ALAS2: variants seen among roughly 807,000 people sequenced by gnomAD.
The protein encoded by ALAS2 is 5'-aminolevulinate synthase 2.
In ALAS2, 3 loss-of-function variants were observed where a neutral mutation model predicts 33.7. The ratio of observed to expected loss-of-function variants is 0.09; its 90% CI spans 0.04 to 0.23. The LOEUF (loss-of-function observed/expected upper bound fraction) is 0.23, where lower values mean the gene tolerates loss of function less well. Ranked by LOEUF, ALAS2 falls within the 10% of genes least tolerant of loss-of-function variation. ALAS2 has a pLI of 1.00. For missense variants in ALAS2, 304 were observed against 475.1 expected, an observed-to-expected ratio of 0.64 and a Z score of 3.35; for synonymous variants, 191 against 177.3, an observed-to-expected ratio of 1.08 and a Z score of -0.61.
At chrX:55,030,571 C>G (rs1182058850) in intron 1 of ALAS2, among the ~76,000 whole-genome samples, 1 of 110,165 alleles carries the variant, frequency 9.1e-6, no homozygotes, top group Non-Finnish European at 1.9e-5. Flanking sequence ...GACAGAAACA[C>G]AGAGACGGAG....
intron 4 of ALAS2, among the ~76,000 whole-genome samples, chrX:55,022,450 A>G (rs1024670587): frequency 2.7e-5 from 3 of 111,990 alleles, no homozygotes; most frequent in Non-Finnish European, 3.8e-5. Flanking sequence ...ATGTAGAAAA[A>G]GATTCTTAAT....
At chrX:55,025,611 C>T (rs1265247045) in intron 2 of ALAS2, among the ~76,000 whole-genome samples, 2 of 111,952 alleles carry the variant, frequency 1.8e-5, no homozygotes, top group African/African-American at 3.2e-5. Flanking sequence ...GGATTACAGG[C>T]GTGAGCCACT....
At chrX:55,020,030 A>T (rs1247993094) in intron 6 of ALAS2, among the ~76,000 whole-genome samples, 1 of 111,622 alleles carries the variant, frequency 9.0e-6, no homozygotes, top group East Asian at 2.8e-4. Context: ...GACATAAAAT[A>T]ACTATGTATG....
rs148352194 is a variant in ALAS2 at position 55,014,982 on chromosome X, G to A, written c.1202C>T (p.Ala401Val). The change falls in exon 9 of 11, where the codon GCC becomes GTC. Residue 401 changes from alanine to valine, a missense_variant. This residue lies in a region of ALAS2 where 138 missense variants were observed against 265.3 expected (regional missense o/e 0.52). Coordinates refer to ENST00000650242, the MANE Select transcript of ALAS2 (RefSeq NM_000032.5). ...KAFGCVGGYI[A>V]STRDLVDMVR... ...CATGTCCACCAAGTCACGGGTGCTG[G>A]CAATGTAGCCGCCCACACAGCCAAA... 8.3e-7 allele frequency: 1 copy of A among 1,210,712 alleles called. No individual in the cohort carries two copies. The highest frequency in any genetic ancestry group is 1.1e-6 in the Non-Finnish European group (1 of 894,915).
At chrX:55,012,115 C>A (rs1033884903) in intron 10 of ALAS2, among the ~76,000 whole-genome samples, 3 of 111,900 alleles carry the variant, frequency 2.7e-5, no homozygotes, top group Non-Finnish European at 5.6e-5. Flanking sequence ...TGGCGCCTAC[C>A]TAGCTTGTCT....
At position 55,017,501 on chromosome X, in the gene ALAS2, C is replaced by T. The variant is rs1365531087; in HGVS notation, c.988G>A (p.Val330Ile). The change falls in exon 7 of 11, where the codon GTC (valine) becomes ATC (isoleucine). Residue 330 changes from valine (V) to isoleucine (I), a missense_variant. Physicochemically the swap from Val to Ile is conservative, Grantham distance 29. Coordinates refer to ENST00000650242, the MANE Select transcript of ALAS2 (RefSeq NM_000032.5). Reference sequence around the variant, plus strand: ...ATATACATACCATCCATGGAGTGGACAGTCTCAAAGGCCACAATTTTGGGT... The same window carrying T: ...ATATACATACCATCCATGGAGTGGATAGTCTCAAAGGCCACAATTTTGGGT... ...KIPKIVAFET[V>I]HSMDGAICPL... The T allele has an allele frequency of 8.3e-7, 1 of 1,208,073 alleles. No individual in the cohort carries two copies. The highest frequency in any genetic ancestry group is 1.1e-6 in the Non-Finnish European group (1 of 893,832).
rs368764287 is a variant in ALAS2, at chrX:55,015,639, G to T, written c.1107C>A (p.Gly369=). The change falls in exon 8 of 11, where the codon GGC becomes GGA. Residue 369 remains glycine, a synonymous_variant. Coordinates refer to ENST00000650242, the MANE Select transcript of ALAS2 (RefSeq NM_000032.5). The part of the protein sequence containing the change: ...VHAVGLYGSR[G]AGIGERDGIM... ...TTCCATCACGCTCCCCAATCCCAGC[G>T]CCCCGGGACCCATACAGTCCTACAG... 1 of 1,208,771 alleles carries T rather than the reference G, an allele frequency of 8.3e-7. No individual in the cohort carries two copies. The highest frequency in any genetic ancestry group is 1.8e-5 in the African/African-American group (1 of 56,757).
Position 55,015,916 on chromosome X carries a change from C to T in ALAS2, c.1004-174G>A, listed in dbSNP as rs112634214. ...CAAACCTCTGTGTATGGATCGATTGCCTGTATCTCATCCCTGCCTTCTCTC... is the reference window on the plus strand; with the variant it reads ...CAAACCTCTGTGTATGGATCGATTGTCTGTATCTCATCCCTGCCTTCTCTC... On this transcript the variant is annotated intron_variant, in intron 7 of 10. Coordinates refer to ENST00000650242, the MANE Select transcript of ALAS2 (RefSeq NM_000032.5). Among the ~76,000 whole-genome samples, 820 of 106,579 alleles carry T rather than the reference C, an allele frequency of 7.7e-3. 9 individuals carry two copies. Among genetic ancestry groups the T allele is most frequent in the African/African-American group, 0.026 (757 of 29,109 alleles). 92.6% of individuals were successfully genotyped at this position (106,579 alleles called of 115,157 possible).
intron 4 of ALAS2, among the ~76,000 whole-genome samples, chrX:55,023,314 G>C (rs1935838265): frequency 9.1e-6 from 1 of 109,922 alleles, no homozygotes; most frequent in Non-Finnish European, 1.9e-5. Flanking sequence ...ATACTTTCCT[G>C]TATATGTTGA....
chrX:55,029,519 T>G (rs933609708), intron 1 of ALAS2, among the ~76,000 whole-genome samples: 2 of 111,732 alleles, frequency 1.8e-5, no homozygotes, highest in Non-Finnish European at 3.8e-5. Flanking sequence ...GGATCTGTGA[T>G]TCAAATATTA....
At chrX:55,020,902 A>G in intron 5 of ALAS2, 150 bp downstream of exon 5, 1 of 507,584 alleles carries the variant, frequency 2.0e-6, no homozygotes, top group Non-Finnish European at 3.4e-6. Flanking sequence ...CTTATTTCAT[A>G]TCCAAGGAAT....
intron 9 of ALAS2, among the ~76,000 whole-genome samples, chrX:55,013,990 A>G (rs1282348098): frequency 4.5e-5 from 5 of 111,008 alleles, no homozygotes; most frequent in Non-Finnish European, 9.4e-5. Context: ...AACCCCCGCC[A>G]AGCCAATTCT....
Position 55,025,985 on chromosome X carries a change from T to G in ALAS2, c.16A>C (p.Met6Leu), listed in dbSNP as rs1322240811. The change falls in exon 2 of 11, where the codon ATG becomes CTG. Residue 6 changes from methionine to leucine, a missense_variant. By Grantham distance (15) the Met-to-Leu change is conservative. Around this residue, in one of 3 missense-constraint regions of ALAS2, gnomAD observed 71 missense variants for 82.8 expected, o/e 0.86. Coordinates refer to ENST00000650242, the MANE Select transcript of ALAS2 (RefSeq NM_000032.5). Reference protein sequence around the residue: MVTAAMLLQCCPVLAR... With the variant: MVTAALLLQCCPVLAR... ...AGCACTGGGCAGCACTGTAGCAGCATGGCTGCAGTCACCATCTTGAACCTA... is the reference window on the plus strand; with the variant it reads ...AGCACTGGGCAGCACTGTAGCAGCAGGGCTGCAGTCACCATCTTGAACCTA... The G allele has an allele frequency of 8.3e-7, 1 of 1,211,076 alleles. No homozygotes were observed. Among genetic ancestry groups the G allele is most frequent in the Non-Finnish European group, 1.1e-6 (1 of 895,223 alleles).
Position 55,025,844 on chromosome X carries a change from G to A in ALAS2, c.157C>T (p.Leu53Phe). Residue 53 changes from leucine (L) to phenylalanine (F), a missense_variant, in exon 2 of 11, where the codon CTT (leucine) becomes TTT (phenylalanine). Physicochemically the swap from Leu to Phe is conservative, Grantham distance 22. Around this residue, in one of 3 missense-constraint regions of ALAS2, gnomAD observed 71 missense variants for 82.8 expected, o/e 0.86. Coordinates refer to ENST00000650242, the MANE Select transcript of ALAS2 (RefSeq NM_000032.5). ...TQGPNCSQIH[L>F]KATKAGGDSP... ...CCTCCTCCAGCCTTTGTTGCCTTAA[G>A]GTGGATTTGAGAACAGTTTGGTCCT... 1 of 1,211,658 alleles carries A rather than the reference G, an allele frequency of 8.3e-7. No individual in the cohort carries two copies. The highest frequency in any genetic ancestry group is 1.1e-6 in the Non-Finnish European group (1 of 895,492).
At chrX:55,023,992 C>T in intron 3 of ALAS2, 125 bp from the exon 4 acceptor site, 1 of 543,126 alleles carries the variant, frequency 1.8e-6, no homozygotes, top group East Asian at 3.6e-5. Context: ...GCAGCTTCTA[C>T]AGCGAGAAGA....
Position 55,020,387 on chromosome X carries a change from G to A in ALAS2, c.756C>T (p.Ala252=), listed in dbSNP as rs1236993188. ...ELAELHQKDS[A]LLFSSCFVAN... is the part of the protein sequence containing the mutation. ...CAACAAAGCAGGAGGAGAAGAGCAG[G>A]GCTGAGTCCTTCTGGTGCAGCTCAG... The change falls in exon 6 of 11, where the codon GCC becomes GCT. Residue 252 remains alanine, a synonymous_variant. Coordinates refer to ENST00000650242, the MANE Select transcript of ALAS2 (RefSeq NM_000032.5). The A allele has an allele frequency of 5.0e-6, 6 of 1,205,732 alleles. No homozygotes were observed. Among genetic ancestry groups the A allele is most frequent in the Non-Finnish European group, 6.7e-6 (6 of 893,318 alleles).
intron 7 of ALAS2, 107 bp from the exon 8 acceptor site, chrX:55,015,849 G>A (rs1369661327): frequency 1.1e-6 from 1 of 911,553 alleles, no homozygotes; most frequent in Admixed American, 2.5e-5. Flanking sequence ...AAAGGGTGTT[G>A]TAGAGAGGAA....
At chrX:55,021,504 A>C (rs987790925) in intron 4 of ALAS2, among the ~76,000 whole-genome samples, 1 of 111,963 alleles carries the variant, frequency 8.9e-6, no homozygotes, top group Non-Finnish European at 1.9e-5. Flanking sequence ...ACATTCATTT[A>C]GACTTTCTTA....
chrX:55,015,825 T>A, intron 7 of ALAS2, 83 bp from the exon 8 acceptor site: 1 of 1,091,464 alleles, frequency 9.2e-7, no homozygotes. Context: ...CATACATGCC[T>A]ACTTTGGGTT....
Sources: allele counts gnomAD v4.1 joint callset (sites outside exome capture counted in the v4.1 genomes callset), GRCh38; gene constraint gnomAD v4.1.1; regional missense constraint gnomAD v4.1.1; transcripts MANE v1.5; gene names NCBI Gene and HGNC (gene_info 2026-07-23, HGNC 2026-07-21).